The following RHOA variants were observed in gnomAD, a reference collection of about 807,000 sequenced individuals.
RHOA encodes the protein transforming protein RhoA.
RHOA carries 3 observed loss-of-function variants against 17.5 expected under a neutral mutation model. The observed-to-expected ratio is 0.17, with a 90% CI of 0.08 to 0.44. The LOEUF (loss-of-function observed/expected upper bound fraction) is 0.44, where lower values mean the gene tolerates loss of function less well. RHOA is among the 20% of genes least tolerant of loss of function. The pLI, the probability that RHOA is intolerant of heterozygous loss-of-function variation, is 0.99. For missense variants in RHOA, 56 were observed against 242.3 expected (o/e 0.23, Z 5.10); for synonymous variants, 98 against 88.4 (o/e 1.11, Z -0.61).
chr3:49,369,946 A>C (rs1019661269), intron 2 of RHOA, among the ~76,000 whole-genome samples: 1 of 152,128 alleles, frequency 6.6e-6, no homozygotes, highest in Non-Finnish European at 1.5e-5. Context: ...GCATGCCTGT[A>C]ATCCCAGCTA....
chr3:49,408,301 TAC>T (rs954249376), intron 1 of RHOA, among the ~76,000 whole-genome samples: 33 of 151,330 alleles, frequency 2.2e-4, no homozygotes, highest in African/African-American at 5.6e-4. Flanking sequence ...TATATACATA[TAC>T]ACACACACAC....
At chr3:49,403,658 G>A (rs11706370) in intron 1 of RHOA, among the ~76,000 whole-genome samples, 42,692 of 152,006 alleles carry the variant, frequency 0.28, 6,559 homozygotes, top group Middle Eastern at 0.32. Flanking sequence ...CTAGGAGGTC[G>A]AGGATGTAGT....
At chr3:49,389,315 CA>C (rs879757069) in intron 1 of RHOA, among the ~76,000 whole-genome samples, 125 of 140,086 alleles carry the variant, frequency 8.9e-4, no homozygotes, top group Non-Finnish European at 8.6e-4. Context: ...ACTCCATCTC[CA>C]AAAAAAAAAA....
At chr3:49,410,827 T>C (rs1332826994) in intron 1 of RHOA, among the ~76,000 whole-genome samples, 1 of 152,226 alleles carries the variant, frequency 6.6e-6, no homozygotes, top group Non-Finnish European at 1.5e-5. Flanking sequence ...CGTTTAAGAC[T>C]TTCTTCAAGA....
rs190614609 is a variant in RHOA, at chr3:49,391,014, C to T, written c.-2-15423G>A. ...CAGGAGGATCACGAGGTCAGGAGATCGAGACCACCCTGGCTAACACGGTGA... is the reference window on the plus strand; with the variant it reads ...CAGGAGGATCACGAGGTCAGGAGATTGAGACCACCCTGGCTAACACGGTGA... On this transcript the variant is annotated intron_variant, in intron 1 of 4. Coordinates refer to ENST00000418115, the MANE Select transcript of RHOA (RefSeq NM_001664.4). 2.7e-3 allele frequency among the ~76,000 whole-genome samples: 415 copies of T among 151,480 alleles called. 4 individuals are homozygous for T. Among genetic ancestry groups the T allele is most frequent in the African/African-American group, 9.3e-3 (385 of 41,306 alleles).
intron 2 of RHOA, among the ~76,000 whole-genome samples, chr3:49,374,944 C>A (rs1261297026): frequency 6.6e-6 from 1 of 152,042 alleles, no homozygotes; most frequent in Non-Finnish European, 1.5e-5. Flanking sequence ...GTAATCCCAG[C>A]TACTGGGGAG....
At chr3:49,378,927 A>G (rs552508401) in intron 1 of RHOA, among the ~76,000 whole-genome samples, 2 of 152,170 alleles carry the variant, frequency 1.3e-5, no homozygotes, top group Admixed American at 6.6e-5. Context: ...ATTAAAAAAT[A>G]AAGAACTCTT....
At chr3:49,370,335 T>TA (rs1229440925) in intron 2 of RHOA, among the ~76,000 whole-genome samples, 1 of 152,194 alleles carries the variant, frequency 6.6e-6, no homozygotes, top group African/African-American at 2.4e-5. Context: ...CTGTAGCTTA[T>TA]AAAAGTGTTT....
At chr3:49,394,019 C>T (rs1388295811) in intron 1 of RHOA, among the ~76,000 whole-genome samples, 5 of 151,702 alleles carry the variant, frequency 3.3e-5, no homozygotes, top group Admixed American at 1.3e-4. Context: ...TACAGGCACC[C>T]GCCAACACGC....
chr3:49,391,978 C>T (rs2048519249), intron 1 of RHOA, among the ~76,000 whole-genome samples: 1 of 151,692 alleles, frequency 6.6e-6, no homozygotes, highest in Admixed American at 6.6e-5. Context: ...TAGGCATCCA[C>T]CACTATGTTC....
chr3:49,409,122 T>C (rs866751201), intron 1 of RHOA, among the ~76,000 whole-genome samples: 11 of 149,592 alleles, frequency 7.4e-5, no homozygotes, highest in African/African-American at 2.2e-4. Flanking sequence ...TGGGTGGGCG[T>C]GGTGGCTCAC....
chr3:49,398,684 C>G (rs1420932897), intron 1 of RHOA, among the ~76,000 whole-genome samples: 1 of 149,222 alleles, frequency 6.7e-6, no homozygotes, highest in Non-Finnish European at 1.5e-5. Flanking sequence ...AAAAGAAATA[C>G]AAAAAATTAG....
chr3:49,359,254 T>C lies in RHOA; in HGVS notation c.*955A>G, dbSNP rs528185207. On this transcript the variant is annotated 3_prime_UTR_variant, in exon 5 of 5. Coordinates refer to ENST00000418115, the MANE Select transcript of RHOA (RefSeq NM_001664.4). ...ACTGAGTGCCACCCATGAGAACTGG[T>C]GGCTCCTCTGGGAGGGAACCTGGAT... The C allele has an allele frequency of 1.6e-5, 3 of 192,784 alleles. No homozygotes were observed. Among genetic ancestry groups the C allele is most frequent in the East Asian group, 1.7e-4 (2 of 12,090 alleles). The allele number at this position is 192,784 out of a possible 1,614,324, so 11.9% of individuals were successfully genotyped here.
Position 49,397,724 on chromosome 3 carries a change from G to A in RHOA, c.-3+14096C>T, listed in dbSNP as rs1175402480. 3.9e-5 allele frequency among the ~76,000 whole-genome samples: 6 copies of A among 152,250 alleles called. No homozygotes were observed. In the South Asian group the frequency reaches 6.2e-4, roughly 16 times the overall value. On this transcript the variant is annotated intron_variant, in intron 1 of 4. Transcript: ENST00000418115. ...CAGAGAACTGCTAGAGCAACATTAC[G>A]AGATTAGAGGGGAACGAGATTTCGC... is the stretch of plus-strand genomic sequence containing the variant.
At chr3:49,404,828 A>C (rs1238406947) in intron 1 of RHOA, among the ~76,000 whole-genome samples, 2 of 150,528 alleles carry the variant, frequency 1.3e-5, no homozygotes, top group Non-Finnish European at 3.0e-5. Flanking sequence ...GTCCCAGTTT[A>C]CCTGGGAGGC....
At chr3:49,400,224 A>AC (rs2048700494) in intron 1 of RHOA, among the ~76,000 whole-genome samples, 1 of 10,000 alleles carries the variant, frequency 1.0e-4, no homozygotes, top group African/African-American at 1.2e-4. Flanking sequence ...AAAAAAAAAA[A>AC]AACAAAAAAA....
intron 1 of RHOA, 87 bp from the exon 2 acceptor site, chr3:49,375,678 G>A (rs2107850770): frequency 7.2e-7 from 1 of 1,386,762 alleles, no homozygotes; most frequent in Non-Finnish European, 9.9e-7. Context: ...TAACCATGGG[G>A]CATAAACCTC....
intron 1 of RHOA, among the ~76,000 whole-genome samples, chr3:49,408,418 T>C (rs893508692): frequency 1.3e-5 from 2 of 152,216 alleles, no homozygotes; most frequent in Non-Finnish European, 2.9e-5. Context: ...TTGATGTTTT[T>C]CTTTATTATT....
At chr3:49,388,007 C>CT (rs772445967) in intron 1 of RHOA, among the ~76,000 whole-genome samples, 1,908 of 143,674 alleles carry the variant, frequency 0.013, 41 homozygotes, top group South Asian at 0.057. Flanking sequence ...ATGGCTTTCT[C>CT]TTTTTTTTTT....
Sources: gnomAD v4.1 joint callset for allele counts (sites outside exome capture counted in the v4.1 genomes callset) on GRCh38, gnomAD v4.1.1 for gene constraint, MANE v1.5 for transcripts, NCBI Gene and HGNC (gene_info 2026-07-23, HGNC 2026-07-21) for gene names.